PDZRN4: variants seen among roughly 807,000 people sequenced by gnomAD.
The protein encoded by PDZRN4 is PDZ domain-containing RING finger protein 4.
A neutral mutation model predicts 99.0 loss-of-function variants in PDZRN4; 70 were observed. That is an observed-to-expected ratio of 0.71 (90% CI 0.58 to 0.86). PDZRN4 has a LOEUF of 0.86. Ranked by LOEUF, PDZRN4 falls within the 40% of genes least tolerant of loss-of-function variation. The probability of loss-of-function intolerance (pLI) is 0.00; values close to 1 mark genes in which losing one functional copy is unlikely to be tolerated. For missense variants in PDZRN4, 1,474 were observed against 1,331.2 expected (o/e 1.11, Z -1.67); for synonymous variants, 551 against 501.6 (o/e 1.10, Z -1.32).
At chr12:41,350,825 A>G (rs750716394) in intron 3 of PDZRN4, among the ~76,000 whole-genome samples, 15 of 142,602 alleles carry the variant, frequency 1.1e-4, no homozygotes, top group Middle Eastern at 3.8e-3. Context: ...GATGTCATCA[A>G]TCCAAAATTG....
At chr12:41,514,175 C>A (rs977086680) in intron 5 of PDZRN4, among the ~76,000 whole-genome samples, 1 of 151,912 alleles carries the variant, frequency 6.6e-6, no homozygotes, top group African/African-American at 2.4e-5. Context: ...ACATGTTAAC[C>A]GAAAACCAAA....
chr12:41,192,065 G>A (rs1258294063), intron 2 of PDZRN4, among the ~76,000 whole-genome samples: 1 of 152,060 alleles, frequency 6.6e-6, no homozygotes, highest in East Asian at 1.9e-4. Flanking sequence ...ACAGGTGTGA[G>A]CCACCATGCC....
rs766694610 is a variant in PDZRN4 at position 41,573,680 on chromosome 12, G to A, written c.2901G>A (p.Arg967=). 2 of 1,614,002 alleles carry A rather than the reference G, an allele frequency of 1.2e-6. No individual in the cohort carries two copies. Among genetic ancestry groups the A allele is most frequent in the East Asian group, 4.5e-5 (2 of 44,846 alleles). ...GCCGTGAGTTCATGATGCGAAGCAG[G>A]TTAGAGTGTCTCAAGGAGAGCCCTC... ...RRRREFMMRS[R]LECLKESPQS... The change falls in exon 10 of 10, where the codon AGG becomes AGA. Residue 967 remains arginine (R), a synonymous_variant. Coordinates refer to ENST00000402685, the MANE Select transcript of PDZRN4 (RefSeq NM_001164595.2).
chr12:41,335,503 A>T (rs1240755633), intron 3 of PDZRN4, among the ~76,000 whole-genome samples: 1 of 152,124 alleles, frequency 6.6e-6, no homozygotes, highest in African/African-American at 2.4e-5. Flanking sequence ...TGAGTTTTTG[A>T]AAAACTAATT....
intron 5 of PDZRN4, among the ~76,000 whole-genome samples, chr12:41,527,109 A>C (rs1396088333): frequency 1.3e-5 from 2 of 152,234 alleles, no homozygotes; most frequent in Admixed American, 6.5e-5. Flanking sequence ...GGTACAGAGA[A>C]GTCAGTGGCT....
chr12:41,308,309 C>T (rs1405339409), intron 3 of PDZRN4, among the ~76,000 whole-genome samples: 2 of 152,118 alleles, frequency 1.3e-5, no homozygotes, highest in Non-Finnish European at 2.9e-5. Context: ...GGACTCTTTC[C>T]TATATCCTCT....
intron 5 of PDZRN4, among the ~76,000 whole-genome samples, chr12:41,514,391 A>G (rs1174436329): frequency 6.6e-6 from 1 of 152,092 alleles, no homozygotes; most frequent in Non-Finnish European, 1.5e-5. Context: ...TTACATAAAG[A>G]AAAGAGAATC....
At chr12:41,199,303 G>A (rs1950799117) in intron 3 of PDZRN4, among the ~76,000 whole-genome samples, 2 of 152,004 alleles carry the variant, frequency 1.3e-5, no homozygotes, top group African/African-American at 2.4e-5. Flanking sequence ...AAATCACAAT[G>A]AGATACCATC....
At chr12:41,379,431 T>A (rs550759695) in intron 3 of PDZRN4, among the ~76,000 whole-genome samples, 18 of 151,664 alleles carry the variant, frequency 1.2e-4, no homozygotes, top group Non-Finnish European at 2.4e-4. Context: ...TTGTTCTTTT[T>A]CTAGTTTTGT....
intron 3 of PDZRN4, among the ~76,000 whole-genome samples, chr12:41,410,611 A>G (rs1465458401): frequency 6.6e-6 from 1 of 152,110 alleles, no homozygotes; most frequent in Admixed American, 6.6e-5. Context: ...TCCAAAGTAT[A>G]TTTTGTTGGG....
rs138003679 is a variant in PDZRN4, at chr12:41,567,860, T to A, written c.1545T>A (p.His515Gln). 3.4e-4 allele frequency: 556 copies of A among 1,613,284 alleles called. 1 individual carries two copies. Among genetic ancestry groups the A allele is most frequent in the Non-Finnish European group, 4.4e-4 (523 of 1,179,486 alleles). The part of the protein sequence containing the change: ...ELNLEMLEEE[H>Q]NEAMQPTANE... ...ACTTGGAGATGTTGGAAGAAGAGCA[T>A]AATGAAGCAATGCAGCCCACTGCCA... Residue 515 changes from histidine to glutamine, a missense_variant, in exon 9 of 10, where the codon CAT (histidine) becomes CAA (glutamine). Physicochemically the swap from His to Gln is conservative, Grantham distance 24. Coordinates refer to ENST00000402685, the MANE Select transcript of PDZRN4 (RefSeq NM_001164595.2).
chr12:41,384,569 C>A lies in PDZRN4; in HGVS notation c.844-121887C>A, dbSNP rs576303927. On this transcript the variant is annotated intron_variant, in intron 3 of 9. Coordinates refer to ENST00000402685, the MANE Select transcript of PDZRN4 (RefSeq NM_001164595.2). Reference sequence around the variant, plus strand: ...TGGAGAGACCCAGATGTCCTCCGCTCTTGGAATGGGTTACTTCCTAGGACA... The same window carrying A: ...TGGAGAGACCCAGATGTCCTCCGCTATTGGAATGGGTTACTTCCTAGGACA... 8.8e-3 allele frequency among the ~76,000 whole-genome samples: 1,337 copies of A among 152,268 alleles called. 19 individuals are homozygous for A. The highest frequency in any genetic ancestry group is 0.031 in the African/African-American group (1,273 of 41,546).
intron 3 of PDZRN4, among the ~76,000 whole-genome samples, chr12:41,432,375 C>A (rs771730355): frequency 1.3e-5 from 2 of 152,116 alleles, no homozygotes; most frequent in Non-Finnish European, 2.9e-5. Flanking sequence ...TAAGAATATT[C>A]TTTAATATTC....
At chr12:41,303,132 G>A (rs567562052) in intron 3 of PDZRN4, among the ~76,000 whole-genome samples, 1 of 152,220 alleles carries the variant, frequency 6.6e-6, no homozygotes, top group African/African-American at 2.4e-5. Context: ...CTCATGGCAG[G>A]ATAAAGACGG....
At chr12:41,308,071 A>G (rs751644361) in intron 3 of PDZRN4, among the ~76,000 whole-genome samples, 38 of 152,308 alleles carry the variant, frequency 2.5e-4, no homozygotes, top group Non-Finnish European at 4.3e-4. Context: ...TCTGATGTAT[A>G]TATATTATTA....
At chr12:41,569,680 T>A (rs905613077) in intron 9 of PDZRN4, among the ~76,000 whole-genome samples, 1 of 152,246 alleles carries the variant, frequency 6.6e-6, no homozygotes, top group African/African-American at 2.4e-5. Flanking sequence ...TTCAGCTTGC[T>A]AACATCCCAT....
intron 3 of PDZRN4, among the ~76,000 whole-genome samples, chr12:41,356,862 G>A (rs1019121703): frequency 2.0e-5 from 3 of 151,848 alleles, no homozygotes; most frequent in African/African-American, 7.3e-5. Context: ...TTCCAAATTA[G>A]TATTTCATTA....
At chr12:41,341,464 T>C (rs2121015535) in intron 3 of PDZRN4, among the ~76,000 whole-genome samples, 1 of 151,900 alleles carries the variant, frequency 6.6e-6, no homozygotes, top group South Asian at 2.1e-4. Flanking sequence ...CCTAAAACAC[T>C]GAAAAACTGT....
At chr12:41,398,157 C>T (rs1952263454) in intron 3 of PDZRN4, among the ~76,000 whole-genome samples, 1 of 152,152 alleles carries the variant, frequency 6.6e-6, no homozygotes, top group Non-Finnish European at 1.5e-5. Context: ...TATGACAATA[C>T]ATTTTAAAAT....
Sources: allele counts gnomAD v4.1 joint callset (sites outside exome capture counted in the v4.1 genomes callset), GRCh38; gene constraint gnomAD v4.1.1; transcripts MANE v1.5; gene names NCBI Gene and HGNC (gene_info 2026-07-23, HGNC 2026-07-21).